The following TLCD4 variants were observed in gnomAD, a reference collection of about 807,000 sequenced individuals.
The protein encoded by TLCD4 is TLC domain containing 4.
TLCD4 carries 7 observed loss-of-function variants against 24.2 expected under a neutral mutation model. The observed-to-expected ratio is 0.29, with a 90% CI of 0.16 to 0.54. The LOEUF (loss-of-function observed/expected upper bound fraction) is 0.54, where lower values mean the gene tolerates loss of function less well. TLCD4 is among the 20% of genes least tolerant of loss of function. TLCD4 has a pLI of 0.95. For missense variants in TLCD4, 259 were observed against 313.9 expected (o/e 0.82, Z 1.32); for synonymous variants, 103 against 106.4 (o/e 0.97, Z 0.20).
At chr1:95,098,918 G>T in the TLCD4 span, among the ~76,000 whole-genome samples, 1 of 151,778 alleles carries the variant, frequency 6.6e-6, no homozygotes, top group Non-Finnish European at 1.5e-5. Flanking sequence ...AAAATTAGCC[G>T]GGTGTGGTGG....
intron 6 of TLCD4, among the ~76,000 whole-genome samples, chr1:95,189,627 T>C (rs552735711): frequency 3.3e-5 from 5 of 152,218 alleles, no homozygotes; most frequent in Admixed American, 6.5e-5. Flanking sequence ...TTTTCTAGAA[T>C]GTCTATAAAT....
At chr1:95,099,053 C>CAAAAAAAAAAAAAAAAAAA in the TLCD4 span, among the ~76,000 whole-genome samples, 1 of 70,656 alleles carries the variant, frequency 1.4e-5, no homozygotes, top group Non-Finnish European at 2.6e-5. Context: ...AACTCTGTCT[C>CAAAAAAAAAAAAAAAAAAA]AAAAAAAAAA....
At chr1:95,160,261 T>G (rs1289262884) in intron 5 of TLCD4, among the ~76,000 whole-genome samples, 1 of 152,220 alleles carries the variant, frequency 6.6e-6, no homozygotes, top group African/African-American at 2.4e-5. Context: ...TTATTATCTT[T>G]GTAGCAATAG....
chr1:95,139,123 T>G (rs1312438493), intron 1 of TLCD4, among the ~76,000 whole-genome samples: 1 of 142,336 alleles, frequency 7.0e-6, no homozygotes, highest in Non-Finnish European at 1.5e-5. Context: ...TATAGTGAGC[T>G]ATGATTGTGC....
the TLCD4 span, among the ~76,000 whole-genome samples, chr1:95,111,454 G>A: frequency 2.0e-5 from 3 of 152,124 alleles, no homozygotes; most frequent in Non-Finnish European, 2.9e-5. Context: ...ATTATGGAAC[G>A]ACCAGAGGTG....
chr1:95,121,884 A>T (rs1211217523), intron 1 of TLCD4, among the ~76,000 whole-genome samples: 1 of 152,248 alleles, frequency 6.6e-6, no homozygotes, highest in East Asian at 1.9e-4. Context: ...GGTCATCTAA[A>T]CAGCTTCTTG....
At chr1:95,133,963 G>C (rs1256326314) in intron 1 of TLCD4, among the ~76,000 whole-genome samples, 12 of 151,782 alleles carry the variant, frequency 7.9e-5, no homozygotes, top group African/African-American at 2.9e-4. Flanking sequence ...GCTGATTAAA[G>C]AGGGATGTAC....
At chr1:95,109,120 G>A in the TLCD4 span, among the ~76,000 whole-genome samples, 1 of 152,142 alleles carries the variant, frequency 6.6e-6, no homozygotes, top group African/African-American at 2.4e-5. Flanking sequence ...TTGAGCTTAG[G>A]AGTTTGAGAC....
chr1:95,169,818 GACT>G (rs1247375076), intron 5 of TLCD4, among the ~76,000 whole-genome samples: 1 of 152,126 alleles, frequency 6.6e-6, no homozygotes, highest in Non-Finnish European at 1.5e-5. Context: ...AGCTGAGTCA[GACT>G]ACAGGTGTGC....
At chr1:95,155,738 T>G (rs1677613207) in intron 5 of TLCD4, among the ~76,000 whole-genome samples, 1 of 142,428 alleles carries the variant, frequency 7.0e-6, no homozygotes. Flanking sequence ...CACCCCAGTG[T>G]GACTCACAGA....
At chr1:95,187,457 T>TG (rs1678866327) in intron 6 of TLCD4, among the ~76,000 whole-genome samples, 1 of 152,114 alleles carries the variant, frequency 6.6e-6, no homozygotes, top group Non-Finnish European at 1.5e-5. Context: ...GGAGTACTGA[T>TG]CAGGTGTTTT....
chr1:95,096,674 G>T, the TLCD4 span, among the ~76,000 whole-genome samples: 1 of 152,230 alleles, frequency 6.6e-6, no homozygotes, highest in Admixed American at 6.5e-5. Context: ...TTTTCCAGAC[G>T]TGATTTCAGC....
intron 1 of TLCD4, chr1:95,120,919 T>G (rs1306012582): frequency 6.6e-6 from 1 of 152,252 alleles, no homozygotes; most frequent in Non-Finnish European, 1.5e-5. Flanking sequence ...AAAAACAGGT[T>G]GCAGTGGAGC....
At position 95,193,703 on chromosome 1, in the gene TLCD4, C is replaced by T. The variant is rs978924583; in HGVS notation, c.*1835C>T. 6.6e-6 allele frequency: 1 copy of T among 152,032 alleles called. No homozygotes were observed. Among genetic ancestry groups the T allele is most frequent in the African/African-American group, 2.4e-5 (1 of 41,444 alleles). The allele number at this position is 152,032 out of a possible 1,614,324, so 9.4% of individuals were successfully genotyped here. A position where few individuals can be genotyped will look rare whatever the true frequency, so the allele number is the denominator to read the frequency against. ...ATAAAATGAGATTGATTGGCTTATA[C>T]TAGGTACATTTATTTTTGAAAGAAT... On this transcript the variant is annotated 3_prime_UTR_variant, in exon 7 of 7. Coordinates refer to ENST00000370203, the MANE Select transcript of TLCD4 (RefSeq NM_152487.3).
upstream of TLCD4, among the ~76,000 whole-genome samples, chr1:95,114,895 T>C (rs1251845890): frequency 6.6e-6 from 1 of 152,070 alleles, no homozygotes; most frequent in East Asian, 1.9e-4. Context: ...TTCATTTCTC[T>C]GATCTGTTTG....
Position 95,173,677 on chromosome 1 carries a change from G to T in TLCD4, c.400-139G>T, listed in dbSNP as rs1054454392. The T allele has an allele frequency of 8.6e-5, 91 of 1,059,442 alleles. No individual in the cohort carries two copies. The African/African-American group carries it at 1.2e-3, about 13-fold the overall frequency. 65.6% of individuals were successfully genotyped at this position (1,059,442 alleles called of 1,614,324 possible). On this transcript the variant is annotated intron_variant, in intron 5 of 6. Coordinates refer to ENST00000370203, the MANE Select transcript of TLCD4 (RefSeq NM_152487.3). ...TCTCACGAAGAAAATCAGTTTAACA[G>T]TAAAAGGTAGAAAACTTCTTGATCT...
chr1:95,113,276 C>G (rs1448677937), upstream of TLCD4, among the ~76,000 whole-genome samples: 8 of 152,062 alleles, frequency 5.3e-5, no homozygotes, highest in South Asian at 6.2e-4. Flanking sequence ...AACCTCCTAA[C>G]CTCGGGTGAT....
chr1:95,139,645 A>G (rs1228534220), intron 1 of TLCD4, among the ~76,000 whole-genome samples: 1 of 151,718 alleles, frequency 6.6e-6, no homozygotes, highest in Non-Finnish European at 1.5e-5. Context: ...TATTTAGTAG[A>G]GATGGGGTTT....
chr1:95,180,863 G>A (rs1453888045), intron 6 of TLCD4, among the ~76,000 whole-genome samples: 4 of 152,116 alleles, frequency 2.6e-5, no homozygotes, highest in South Asian at 2.1e-4. Flanking sequence ...TAGATATAGC[G>A]TCTGGCTTCA....
Sources: allele counts gnomAD v4.1 joint callset (sites outside exome capture counted in the v4.1 genomes callset), GRCh38; gene constraint gnomAD v4.1.1; transcripts MANE v1.5; gene names NCBI Gene and HGNC (gene_info 2026-07-23, HGNC 2026-07-21).